The following C2CD5 variants were observed in gnomAD, a reference collection of about 807,000 sequenced individuals.
C2CD5 encodes C2 domain-containing protein 5.
C2CD5 carries 109 observed loss-of-function variants against 130.3 expected under a neutral mutation model. The observed-to-expected ratio is 0.84, with a 90% confidence interval of 0.72 to 0.98. The LOEUF (loss-of-function observed/expected upper bound fraction) is 0.98. C2CD5 is among the 50% of genes least tolerant of loss of function. The pLI, the probability that C2CD5 is intolerant of heterozygous loss-of-function variation, is 0.00. For missense variants in C2CD5, 996 were observed against 1,261.8 expected (o/e 0.79, Z 3.19); for synonymous variants, 454 against 429.2 (o/e 1.06, Z -0.71).
At chr12:22,511,990 A>G (rs1949248092) in intron 9 of C2CD5, among the ~76,000 whole-genome samples, 1 of 152,200 alleles carries the variant, frequency 6.6e-6, no homozygotes, top group Non-Finnish European at 1.5e-5. Flanking sequence ...ACCCTCTTCA[A>G]CGTTTTCAGT....
chr12:22,524,630 G>A lies in C2CD5; in HGVS notation c.446-3C>T. 1.9e-6 allele frequency: 3 copies of A among 1,602,210 alleles called. No individual in the cohort carries two copies. The highest frequency in any genetic ancestry group is 1.7e-6 in the Non-Finnish European group (2 of 1,174,560). The stretch of plus-strand genomic sequence containing the variant: ...ATAGCATTTTGGAATAGACGTTGCT[G>A]TTAAAACAAATTATTATGCTTCTGT... On this transcript the variant is annotated splice_region_variant and splice_polypyrimidine_tract_variant and intron_variant, in intron 5 of 26. Coordinates refer to ENST00000446597, the MANE Select transcript of C2CD5 (RefSeq NM_001286176.2).
At chr12:22,473,727 C>G (rs1413657032) in intron 16 of C2CD5, among the ~76,000 whole-genome samples, 1 of 152,130 alleles carries the variant, frequency 6.6e-6, no homozygotes, top group Non-Finnish European at 1.5e-5. Context: ...TTCTCATCTA[C>G]TAGGTCTGAG....
chr12:22,460,815 G>A (rs573330383), intron 22 of C2CD5: 2 of 152,328 alleles, frequency 1.3e-5, no homozygotes, highest in African/African-American at 4.8e-5. Flanking sequence ...CTGACCTCAG[G>A]TAATCCGCCT....
At chr12:22,505,144 A>G (rs1948327233) in intron 10 of C2CD5, among the ~76,000 whole-genome samples, 1 of 152,196 alleles carries the variant, frequency 6.6e-6, no homozygotes, top group Non-Finnish European at 1.5e-5. Flanking sequence ...GGCATAAATT[A>G]AACTTTAAAA....
intron 2 of C2CD5, among the ~76,000 whole-genome samples, chr12:22,537,666 C>T (rs1170267169): frequency 6.6e-6 from 1 of 152,090 alleles, no homozygotes; most frequent in African/African-American, 2.4e-5. Context: ...AGTTATTAAC[C>T]TGTTATTTAA....
rs1289385768 is a variant in C2CD5, at chr12:22,469,728, A to G, written c.2514T>C (p.His838=). 1 of 1,603,344 alleles carries G rather than the reference A, an allele frequency of 6.2e-7. No individual in the cohort carries two copies. Among genetic ancestry groups the G allele is most frequent in the Non-Finnish European group, 8.5e-7 (1 of 1,174,746 alleles). ...ACCAACCTTTAGCTGGTGGAAAAGG[A>G]TGAGAAGGAAGTGAATCTGAACACA... ...LELCSDSLPS[H]PFPPAKEHLE... The change falls in exon 22 of 27, where the codon CAT becomes CAC. Residue 838 remains histidine (H), a synonymous_variant. Transcript: ENST00000446597.
At chr12:22,451,198 T>C (rs1410783064) in intron 26 of C2CD5, among the ~76,000 whole-genome samples, 2 of 152,036 alleles carry the variant, frequency 1.3e-5, no homozygotes, top group African/African-American at 4.8e-5. Flanking sequence ...TTTTGAATCA[T>C]GTACTACCTA....
At chr12:22,490,448 A>G (rs940816460) in intron 11 of C2CD5, among the ~76,000 whole-genome samples, 1 of 152,214 alleles carries the variant, frequency 6.6e-6, no homozygotes, top group African/African-American at 2.4e-5. Context: ...GAAAAAAGAT[A>G]AAAGTATTAA....
intron 12 of C2CD5, among the ~76,000 whole-genome samples, chr12:22,488,375 T>C (rs1052333731): frequency 1.3e-5 from 2 of 152,004 alleles, no homozygotes; most frequent in East Asian, 1.9e-4. Context: ...CTCCAAATTT[T>C]TTCTAATAAG....
intron 3 of C2CD5, among the ~76,000 whole-genome samples, chr12:22,531,237 AATAG>A (rs1183880550): frequency 3.9e-5 from 6 of 152,342 alleles, no homozygotes; most frequent in African/African-American, 7.2e-5. Flanking sequence ...GGTCTTTCAA[AATAG>A]ATAGTGGCAT....
chr12:22,494,802 T>A (rs1364941405), intron 10 of C2CD5, among the ~76,000 whole-genome samples: 1 of 152,142 alleles, frequency 6.6e-6, no homozygotes, highest in African/African-American at 2.4e-5. Context: ...TGAACCTATT[T>A]TACACAAATA....
At chr12:22,519,304 T>C (rs1950053410) in intron 7 of C2CD5, 3 of 1,375,300 alleles carry the variant, frequency 2.2e-6, no homozygotes, top group African/African-American at 1.5e-5. Context: ...TGCAGAGTTA[T>C]GTTAAAATAA....
rs751861905 is a variant in C2CD5 at position 22,456,982 on chromosome 12, A to T, written c.2866T>A (p.Ser956Thr). The change falls in exon 25 of 27, where the codon TCT (serine) becomes ACT (threonine). Residue 956 changes from serine to threonine, a missense_variant. Ser to Thr is a moderately conservative substitution (Grantham distance 58). Around this residue, in one of 9 missense-constraint regions of C2CD5, gnomAD observed 51 missense variants for 99.5 expected, o/e 0.51. Transcript: ENST00000446597. ...TTCTATAAAATTACCTCCCGAAGAG[A>T]AGTAGTCTCTCGAATAAAAAACATG... Reference protein sequence around the residue: ...INMFFIRETTSLREEGGVSGF... With the variant: ...INMFFIRETTTLREEGGVSGF... 4 of 1,582,240 alleles carry T rather than the reference A, an allele frequency of 2.5e-6. No homozygotes were observed. The highest frequency in any genetic ancestry group is 3.4e-6 in the Non-Finnish European group (4 of 1,160,822).
rs752745744 is a variant in C2CD5, at chr12:22,478,467, C to T, written c.1748G>A (p.Gly583Asp). 6.2e-7 allele frequency: 1 copy of T among 1,612,946 alleles called. No individual in the cohort carries two copies. The highest frequency in any genetic ancestry group is 8.5e-7 in the Non-Finnish European group (1 of 1,179,416). The change falls in exon 15 of 27, where the codon GGT (glycine) becomes GAT (aspartate). Residue 583 changes from glycine (G) to aspartate (D), a missense_variant. Physicochemically the swap from Gly to Asp is moderately conservative, Grantham distance 94. Coordinates refer to ENST00000446597, the MANE Select transcript of C2CD5 (RefSeq NM_001286176.2). ...AGTTGGTAAAGCTGCTAAATACACA[C>T]CTGTGGCAGACTTGTAAAAAATAAT... is the stretch of plus-strand genomic sequence containing the variant. Reference protein sequence around the residue: ...NMLMGLASATGVYLAALPTPG... With the variant: ...NMLMGLASATDVYLAALPTPG...
chr12:22,464,977 C>A (rs1426598501), intron 22 of C2CD5, among the ~76,000 whole-genome samples: 3 of 152,008 alleles, frequency 2.0e-5, no homozygotes, highest in South Asian at 4.1e-4. Flanking sequence ...AAAATCAAAT[C>A]TGTGAATGAG....
chr12:22,465,020 G>T (rs117894432), intron 22 of C2CD5, among the ~76,000 whole-genome samples: 2 of 152,008 alleles, frequency 1.3e-5, no homozygotes, highest in Admixed American at 6.6e-5. Flanking sequence ...ATCTAATTTG[G>T]TTTAACAAAG....
chr12:22,544,321 GT>G lies in C2CD5; in HGVS notation c.-32del. ...GTCGCGCCACGGGTCGCCACTCACT[GT>G]CGCAGGAGGAAGGGTGCTGTCCCGC... On this transcript the variant is annotated splice_region_variant and 5_prime_UTR_variant, in exon 1 of 27. Transcript: ENST00000446597. The G allele has an allele frequency of 1.9e-6, 1 of 535,720 alleles. No homozygotes were observed. 33.2% of individuals were successfully genotyped at this position (535,720 alleles called of 1,614,324 possible). A position where few individuals can be genotyped will look rare whatever the true frequency, so the allele number is the denominator to read the frequency against.
intron 12 of C2CD5, among the ~76,000 whole-genome samples, chr12:22,487,517 A>G (rs982212256): frequency 7.9e-5 from 12 of 152,210 alleles, no homozygotes; most frequent in Non-Finnish European, 1.3e-4. Context: ...ATACCACACC[A>G]GTTAGAATGG....
At chr12:22,454,297 T>C (rs996146124) in intron 25 of C2CD5, among the ~76,000 whole-genome samples, 6 of 152,158 alleles carry the variant, frequency 3.9e-5, no homozygotes, top group African/African-American at 1.4e-4. Flanking sequence ...AATTTGCCCA[T>C]GACTAGCTAT....
Sources: allele counts gnomAD v4.1 joint callset (sites outside exome capture counted in the v4.1 genomes callset), GRCh38; gene constraint gnomAD v4.1.1; regional missense constraint gnomAD v4.1.1; transcripts MANE v1.5; gene names NCBI Gene and HGNC (gene_info 2026-07-23, HGNC 2026-07-21).